OR1B1: variants seen among roughly 807,000 people sequenced by gnomAD.
OR1B1 encodes olfactory receptor family 1 subfamily B member 1, also known as olfactory receptor 1B1.
For missense variants in OR1B1, 414 were observed against 402.1 expected (o/e 1.03, Z -0.25); for synonymous variants, 168 against 156.2 (o/e 1.08, Z -0.57).
the OR1B1 span, among the ~76,000 whole-genome samples, chr9:122,656,938 A>C: frequency 6.6e-6 from 1 of 152,192 alleles, no homozygotes; most frequent in Admixed American, 6.5e-5. Flanking sequence ...AAAATAGTTT[A>C]AATCAACTGA....
At chr9:122,656,181 G>C in the OR1B1 span, among the ~76,000 whole-genome samples, 5 of 152,054 alleles carry the variant, frequency 3.3e-5, no homozygotes, top group African/African-American at 1.2e-4. Flanking sequence ...ATGGCACAGG[G>C]CACAATTCTG....
chr9:122,628,910 C>A, exon 1 of OR1B1: 1 of 1,614,118 alleles, frequency 6.2e-7, no homozygotes, highest in Non-Finnish European at 8.5e-7. Context: ...AAGGAAGCCA[C>A]CCTCAAAGAA....
chr9:122,650,950 G>C, the OR1B1 span, among the ~76,000 whole-genome samples: 3 of 151,974 alleles, frequency 2.0e-5, no homozygotes, highest in Non-Finnish European at 4.4e-5. Flanking sequence ...GCGTGAACCC[G>C]GGAGGTGGAG....
chr9:122,638,903 A>C, the OR1B1 span, among the ~76,000 whole-genome samples: 1 of 152,344 alleles, frequency 6.6e-6, no homozygotes, highest in African/African-American at 2.4e-5. Context: ...AGCAAGACTG[A>C]GAGATGGAAG....
chr9:122,633,393 A>G (rs957580150), upstream of OR1B1, among the ~76,000 whole-genome samples: 6 of 152,158 alleles, frequency 3.9e-5, no homozygotes, highest in African/African-American at 4.8e-5. Context: ...AGTTTTGGCA[A>G]TCATTTTCTG....
chr9:122,657,042 A>G, the OR1B1 span, among the ~76,000 whole-genome samples: 16 of 152,068 alleles, frequency 1.1e-4, no homozygotes, highest in East Asian at 2.7e-3. Flanking sequence ...TCATTTTTAT[A>G]TAGATTTTGA....
chr9:122,650,031 A>G, the OR1B1 span, among the ~76,000 whole-genome samples: 2 of 152,008 alleles, frequency 1.3e-5, no homozygotes, highest in Non-Finnish European at 2.9e-5. Flanking sequence ...GATAAAGAAA[A>G]TGTGGCACAT....
rs761499845 is a variant in OR1B1, at chr9:122,628,974, G to A, written c.562C>T (p.Arg188Trp). Residue 188 changes from arginine (R) to tryptophan (W), a missense_variant, in exon 1 of 1, where the codon CGG (arginine) becomes TGG (tryptophan). Coordinates refer to ENST00000623530, the Ensembl canonical transcript of OR1B1. The stretch of plus-strand genomic sequence containing the variant: ...GAACAAGAGGCTCGCAGAAGTGGCC[G>A]GTGGTCACAAAAGAAGTGAGGAAGG... 82 of 1,613,866 alleles carry A rather than the reference G, an allele frequency of 5.1e-5. No homozygotes were observed. Among genetic ancestry groups the A allele is most frequent in the South Asian group, 2.5e-4 (23 of 91,070 alleles).
exon 1 of OR1B1, chr9:122,629,058 A>G (rs772682954): frequency 6.2e-7 from 1 of 1,613,938 alleles, no homozygotes; most frequent in South Asian, 1.1e-5. Flanking sequence ...CCCACACGCA[A>G]CATGGTGTGC....
chr9:122,654,725 G>A, the OR1B1 span, among the ~76,000 whole-genome samples: 17 of 152,100 alleles, frequency 1.1e-4, no homozygotes, highest in Non-Finnish European at 2.2e-4. Flanking sequence ...CTTCTAATGA[G>A]TTCAACTTTT....
exon 1 of OR1B1, chr9:122,628,803 A>G: frequency 6.2e-7 from 1 of 1,614,146 alleles, no homozygotes; most frequent in South Asian, 1.1e-5. Flanking sequence ...CCACAGGTGG[A>G]GACTGCTCGG....
the OR1B1 span, among the ~76,000 whole-genome samples, chr9:122,636,900 A>C: frequency 6.6e-6 from 1 of 152,228 alleles, no homozygotes; most frequent in Admixed American, 6.5e-5. Flanking sequence ...AATTTCTCAT[A>C]AGGTAGAGAA....
downstream of OR1B1, chr9:122,628,499 C>G (rs1030551568): frequency 2.2e-5 from 20 of 910,736 alleles, no homozygotes; most frequent in Middle Eastern, 7.0e-4. Flanking sequence ...CTCCACCCCT[C>G]TGATCTCCCC....
chr9:122,655,684 G>C, the OR1B1 span, among the ~76,000 whole-genome samples: 1 of 125,438 alleles, frequency 8.0e-6, no homozygotes, highest in East Asian at 2.4e-4. Context: ...ACTGGGGCCT[G>C]TTGGGGGTTG....
At chr9:122,641,802 T>G in the OR1B1 span, among the ~76,000 whole-genome samples, 2 of 152,326 alleles carry the variant, frequency 1.3e-5, no homozygotes, top group East Asian at 3.9e-4. Context: ...ATTAGCTCAA[T>G]GTAGCCATTT....
the OR1B1 span, among the ~76,000 whole-genome samples, chr9:122,634,608 G>T: frequency 3.1e-4 from 47 of 152,120 alleles, no homozygotes; most frequent in African/African-American, 1.0e-3. Context: ...ACAGCATGGG[G>T]GAAACCACCC....
At chr9:122,634,470 C>T (rs947391987), upstream of OR1B1, among the ~76,000 whole-genome samples, 6 of 152,270 alleles carry the variant, frequency 3.9e-5, no homozygotes, top group South Asian at 1.2e-3. Context: ...CCTCAGGAAG[C>T]TTGCAATCAT....
At chr9:122,632,075 C>A (rs1830208967), upstream of OR1B1, among the ~76,000 whole-genome samples, 1 of 152,096 alleles carries the variant, frequency 6.6e-6, no homozygotes, top group African/African-American at 2.4e-5. Context: ...AGACTCTAGA[C>A]AGGAATCCCA....
the OR1B1 span, among the ~76,000 whole-genome samples, chr9:122,644,288 T>C: frequency 6.6e-6 from 1 of 152,172 alleles, no homozygotes; most frequent in South Asian, 2.1e-4. Flanking sequence ...AGAAGAGCCC[T>C]TGGGCTTTAA....
Sources: allele counts gnomAD v4.1 joint callset (sites outside exome capture counted in the v4.1 genomes callset), GRCh38; gene constraint gnomAD v4.1.1; transcripts MANE v1.5; gene names NCBI Gene and HGNC (gene_info 2026-07-23, HGNC 2026-07-21).